Variants in BIRC6 observed in about 807,000 individuals in gnomAD.
The protein encoded by BIRC6 is baculoviral IAP repeat containing 6, also known as dual E2 ubiquitin-conjugating enzyme/E3 ubiquitin-protein ligase BIRC6.
A neutral mutation model predicts 503.3 loss-of-function variants in BIRC6; 98 were observed. The observed-to-expected ratio is 0.19, with a 90% CI of 0.17 to 0.23. The LOEUF is 0.23. Ranked by LOEUF, BIRC6 falls within the 10% of genes least tolerant of loss-of-function variation. The pLI is 1.00. For missense variants in BIRC6, 5,360 were observed against 5,806.0 expected (o/e 0.92, Z 2.50); for synonymous variants, 2,240 against 2,078.7 (o/e 1.08, Z -2.11).
chr2:32,536,575 T>C (rs2057253667), intron 61 of BIRC6, among the ~76,000 whole-genome samples: 2 of 152,172 alleles, frequency 1.3e-5, no homozygotes, highest in South Asian at 4.1e-4. Context: ...CCTTTCCCCA[T>C]TTCTTGTTTT....
At chr2:32,455,432 T>A (rs1313847793) in intron 23 of BIRC6, among the ~76,000 whole-genome samples, 1 of 146,622 alleles carries the variant, frequency 6.8e-6, no homozygotes, top group Non-Finnish European at 1.5e-5. Flanking sequence ...ACAAGCCTGG[T>A]CAACATGGCG....
chr2:32,535,947 CCACATCCTCT>C (rs1006045251), intron 61 of BIRC6, among the ~76,000 whole-genome samples: 7 of 152,200 alleles, frequency 4.6e-5, no homozygotes, highest in African/African-American at 1.7e-4. Flanking sequence ...TCCTATTTCT[CCACATCCTCT>C]CCAGCACCTG....
At chr2:32,507,818 T>C (rs1326560778) in intron 50 of BIRC6, among the ~76,000 whole-genome samples, 162 bp from the exon 51 acceptor site, 1 of 152,232 alleles carries the variant, frequency 6.6e-6, no homozygotes, top group Non-Finnish European at 1.5e-5. Context: ...ACATTAATTA[T>C]GGTGAAAGTC....
intron 45 of BIRC6, among the ~76,000 whole-genome samples, chr2:32,498,199 T>G (rs1254273401): frequency 1.3e-5 from 2 of 152,162 alleles, no homozygotes; most frequent in Non-Finnish European, 1.5e-5. Flanking sequence ...ATAGCTGGGA[T>G]TACAGGCTTC....
At chr2:32,580,319 A>G (rs1201973128) in intron 66 of BIRC6, among the ~76,000 whole-genome samples, 1 of 152,216 alleles carries the variant, frequency 6.6e-6, no homozygotes, top group Admixed American at 6.5e-5. Flanking sequence ...CACTACAGGA[A>G]AATCAATCCA....
chr2:32,478,869 C>T (rs2050061975), intron 36 of BIRC6, 51 bp downstream of exon 36: 1 of 1,552,824 alleles, frequency 6.4e-7, no homozygotes, highest in Non-Finnish European at 8.8e-7. Context: ...CTTGTCATTG[C>T]TCAACTAAGA....
At chr2:32,591,233 T>C (rs1408238776) in intron 66 of BIRC6, among the ~76,000 whole-genome samples, 1 of 152,216 alleles carries the variant, frequency 6.6e-6, no homozygotes, top group African/African-American at 2.4e-5. Flanking sequence ...CTAATATATA[T>C]CTGCTTTATG....
At position 32,471,015 on chromosome 2, in the gene BIRC6, A is replaced by G. The variant is rs1024039256; in HGVS notation, c.6483A>G (p.Gly2161=). Residue 2161 remains glycine (G), a splice_region_variant and synonymous_variant, in exon 32 of 74, where the codon GGA becomes GGG. Coordinates refer to ENST00000421745, the MANE Select transcript of BIRC6 (RefSeq NM_016252.4). ...TCCTTTGCTGTCATCTCTCTCCAGGAGTACTAGATATTCCCATGATCAGTT... is the reference window on the plus strand; with the variant it reads ...TCCTTTGCTGTCATCTCTCTCCAGGGGTACTAGATATTCCCATGATCAGTT... ...PQLPMHRRTE[G]VLDIPMISWV... 6.4e-7 allele frequency: 1 copy of G among 1,565,354 alleles called. No individual in the cohort carries two copies. The highest frequency in any genetic ancestry group is 8.7e-7 in the Non-Finnish European group (1 of 1,152,864).
chr2:32,543,879 A>C (rs989824478), intron 62 of BIRC6, among the ~76,000 whole-genome samples: 6 of 152,242 alleles, frequency 3.9e-5, no homozygotes, highest in African/African-American at 1.4e-4. Flanking sequence ...ATGTATACTT[A>C]GCAAGTTATA....
At chr2:32,540,923 G>T (rs2057616592) in intron 61 of BIRC6, among the ~76,000 whole-genome samples, 1 of 151,998 alleles carries the variant, frequency 6.6e-6, no homozygotes, top group Non-Finnish European at 1.5e-5. Flanking sequence ...ATTTGTATCT[G>T]TATAATGGGT....
Position 32,436,196 on chromosome 2 carries a change from C to T in BIRC6, c.3631+12C>T, listed in dbSNP as rs1299113967. ...CAAACTTGTTAAAGGTGAAGTAATA[C>T]ATTTTACAAAAGCAGAATTAATAAT... On this transcript the variant is annotated intron_variant, in intron 15 of 73. Coordinates refer to ENST00000421745, the MANE Select transcript of BIRC6 (RefSeq NM_016252.4). 1 of 1,388,494 alleles carries T rather than the reference C, an allele frequency of 7.2e-7. No individual in the cohort carries two copies. The allele number at this position is 1,388,494 out of a possible 1,614,324, so 86.0% of individuals were successfully genotyped here.
intron 41 of BIRC6, 65 bp from the exon 42 acceptor site, chr2:32,488,523 G>T: frequency 7.6e-7 from 1 of 1,322,854 alleles, no homozygotes; most frequent in Admixed American, 3.2e-5. Context: ...TAAGATTTTT[G>T]TTTAAATTGT....
At chr2:32,448,634 G>A (rs1203593982) in intron 21 of BIRC6, among the ~76,000 whole-genome samples, 161 bp from the exon 22 acceptor site, 3 of 151,320 alleles carry the variant, frequency 2.0e-5, no homozygotes, top group Admixed American at 2.0e-4. Context: ...ATCAGAGGGA[G>A]ACCGTGGAAG....
At chr2:32,582,772 A>ACAAACAAG (rs1450455401) in intron 66 of BIRC6, among the ~76,000 whole-genome samples, 20 of 152,176 alleles carry the variant, frequency 1.3e-4, no homozygotes, top group African/African-American at 4.6e-4. Flanking sequence ...AAACAAACAA[A>ACAAACAAG]CAAACAAAAA....
chr2:32,474,094 T>C lies in BIRC6; in HGVS notation c.6720+855T>C, dbSNP rs949991600. Reference sequence around the variant, plus strand: ...ATTATTGCTTTAAGATGTAAGAAGATTCTATATGAAAATCCTTAGCTCTGG... The same window carrying C: ...ATTATTGCTTTAAGATGTAAGAAGACTCTATATGAAAATCCTTAGCTCTGG... On this transcript the variant is annotated intron_variant, in intron 33 of 73. Coordinates refer to ENST00000421745, the MANE Select transcript of BIRC6 (RefSeq NM_016252.4). 5.9e-5 allele frequency among the ~76,000 whole-genome samples: 9 copies of C among 152,208 alleles called. No individual in the cohort carries two copies. The South Asian group carries it at 8.3e-4, about 14-fold the overall frequency.
intron 61 of BIRC6, among the ~76,000 whole-genome samples, chr2:32,536,489 T>G (rs12476264): frequency 6.6e-6 from 1 of 152,222 alleles, no homozygotes; most frequent in Non-Finnish European, 1.5e-5. Context: ...TTGTATAAGG[T>G]GTAAAGAAGG....
intron 51 of BIRC6, among the ~76,000 whole-genome samples, chr2:32,508,574 TGCCTATGACCA>T (rs1012936998): frequency 6.6e-6 from 1 of 152,094 alleles, no homozygotes; most frequent in African/African-American, 2.4e-5. Flanking sequence ...AATTTGCAAA[TGCCTATGACCA>T]GCCTATGACA....
chr2:32,534,190 A>C, intron 61 of BIRC6, among the ~76,000 whole-genome samples: 1 of 151,658 alleles, frequency 6.6e-6, no homozygotes, highest in Non-Finnish European at 1.5e-5. Context: ...CCTGGCCAAC[A>C]TGGTGAAACC....
chr2:32,414,770 G>T lies in BIRC6; in HGVS notation c.1479G>T (p.Gly493=). ...EEHSRSDSVT[G]HTSQKEAMEV... ...AATGAATATTGTTCCTTTTTAAAGG[G>T]CATACATCACAGAAGGAAGCCATGG... Residue 493 remains glycine (G), a splice_region_variant and synonymous_variant, in exon 10 of 74, where the codon GGG becomes GGT. Coordinates refer to ENST00000421745, the MANE Select transcript of BIRC6 (RefSeq NM_016252.4). 6.2e-7 allele frequency: 1 copy of T among 1,609,692 alleles called. No homozygotes were observed. The highest frequency in any genetic ancestry group is 1.1e-5 in the South Asian group (1 of 90,650).
Sources: allele counts gnomAD v4.1 joint callset (sites outside exome capture counted in the v4.1 genomes callset), GRCh38; gene constraint gnomAD v4.1.1; transcripts MANE v1.5; gene names NCBI Gene and HGNC (gene_info 2026-07-23, HGNC 2026-07-21).